Variants in ARHGEF3 observed in about 807,000 individuals in gnomAD.
ARHGEF3 encodes Rho guanine nucleotide exchange factor 3, also known as 59.8 kDA protein.
A neutral mutation model predicts 63.2 loss-of-function variants in ARHGEF3; 28 were observed. The observed-to-expected ratio is 0.44, with a 90% CI of 0.33 to 0.61. The LOEUF is 0.61. Among genes scored for constraint, ARHGEF3 ranks in the 20% least tolerant of loss-of-function variants. ARHGEF3 has a pLI of 0.03. For missense variants in ARHGEF3, 533 were observed against 659.3 expected, an observed-to-expected ratio of 0.81 and a Z score of 2.10; for synonymous variants, 266 against 254.2, an observed-to-expected ratio of 1.05 and a Z score of -0.44.
rs1560116629 is a variant in ARHGEF3 at position 56,995,666 on chromosome 3, A to AGAGAGAGAGAGAGAGG, written c.63-36778_63-36777insCCTCTCTCTCTCTCTC. On this transcript the variant is annotated intron_variant, in intron 2 of 12. Coordinates refer to the ARHGEF3 transcript ENST00000338458. The stretch of plus-strand genomic sequence containing the variant: ...GAGAGAGAGAGAGAGAGAGAGAGAG[A>AGAGAGAGAGAGAGAGG]GAGAGAATTTTTTTTAACCTGGTCT... 5.0e-4 allele frequency among the ~76,000 whole-genome samples: 64 copies of AGAGAGAGAGAGAGAGG among 127,240 alleles called. 1 individual carries two copies. Among genetic ancestry groups the AGAGAGAGAGAGAGAGG allele is most frequent in the Non-Finnish European group, 8.1e-4 (47 of 57,854 alleles). 83.5% of individuals were successfully genotyped at this position (127,240 alleles called of 152,430 possible). A position where few individuals can be genotyped will look rare whatever the true frequency, so the allele number is the denominator to read the frequency against.
rs555793197 is a variant in ARHGEF3, at chr3:57,067,262, T to C, written c.-28+11964A>G. On this transcript the variant is annotated intron_variant, in intron 1 of 12. Coordinates refer to the ARHGEF3 transcript ENST00000338458. ...GTCAGGAGATCGAGACTATCCTGGC[T>C]AACACGGTGAAACCCTGTCTCTTCT... 5.3e-5 allele frequency among the ~76,000 whole-genome samples: 8 copies of C among 151,676 alleles called. No homozygotes were observed. In the South Asian group the frequency reaches 6.2e-4, roughly 12 times the overall value.
At chr3:56,974,024 T>G (rs1202517227) in intron 2 of ARHGEF3, among the ~76,000 whole-genome samples, 1 of 152,124 alleles carries the variant, frequency 6.6e-6, no homozygotes, top group African/African-American at 2.4e-5. Flanking sequence ...AGGTGGAGGT[T>G]GCAGTGAGCT....
chr3:56,816,537 C>T (rs1393133606), intron 4 of ARHGEF3, among the ~76,000 whole-genome samples: 2 of 152,176 alleles, frequency 1.3e-5, no homozygotes, highest in Non-Finnish European at 2.9e-5. Context: ...GGCTACATCC[C>T]CATTGCCAAA....
At chr3:56,875,956 G>A (rs1162072639) in intron 4 of ARHGEF3, among the ~76,000 whole-genome samples, 1 of 152,134 alleles carries the variant, frequency 6.6e-6, no homozygotes, top group East Asian at 1.9e-4. Context: ...TGGTGGTGGT[G>A]GTAGGGAATG....
intron 3 of ARHGEF3, among the ~76,000 whole-genome samples, chr3:56,956,525 G>A (rs76224588): frequency 6.4e-4 from 98 of 152,284 alleles, no homozygotes; most frequent in African/African-American, 2.3e-3. Flanking sequence ...CCAGAGTCGT[G>A]CTTAAAAATT....
At chr3:57,064,561 C>T (rs949700168) in intron 1 of ARHGEF3, among the ~76,000 whole-genome samples, 6 of 152,112 alleles carry the variant, frequency 3.9e-5, no homozygotes, top group Middle Eastern at 3.2e-3. Flanking sequence ...GCTCAACATC[C>T]GCCTCCTCGG....
At chr3:56,994,064 C>CAAAAAAAACAAAAAAAAAAAAAA (rs1701875269) in intron 2 of ARHGEF3, among the ~76,000 whole-genome samples, 1 of 59,722 alleles carries the variant, frequency 1.7e-5, no homozygotes, top group Non-Finnish European at 3.3e-5. Context: ...AACTTCGTCT[C>CAAAAAAAACAAAAAAAAAAAAAA]AAAAAAAAAA....
chr3:56,979,200 A>G (rs1252507270), intron 2 of ARHGEF3, among the ~76,000 whole-genome samples: 2 of 152,246 alleles, frequency 1.3e-5, no homozygotes, highest in Non-Finnish European at 2.9e-5. Flanking sequence ...CCAATAAGGT[A>G]GCAGCAAAAA....
chr3:57,066,958 C>T (rs932797000), intron 1 of ARHGEF3, among the ~76,000 whole-genome samples: 1 of 152,232 alleles, frequency 6.6e-6, no homozygotes, highest in African/African-American at 2.4e-5. Context: ...AAATCAACCT[C>T]TCAATAGATA....
intron 2 of ARHGEF3, among the ~76,000 whole-genome samples, chr3:56,994,645 G>A (rs144473980): frequency 2.6e-5 from 4 of 151,916 alleles, no homozygotes; most frequent in African/African-American, 7.3e-5. Context: ...ACTAGCAACG[G>A]TATGGATGGG....
At chr3:56,955,784 G>A (rs531390836) in intron 3 of ARHGEF3, among the ~76,000 whole-genome samples, 7 of 152,138 alleles carry the variant, frequency 4.6e-5, no homozygotes, top group Non-Finnish European at 7.4e-5. Context: ...CATCCTTCTC[G>A]TTCTTCAATT....
intron 4 of ARHGEF3, among the ~76,000 whole-genome samples, chr3:56,812,070 C>T (rs1372086736): frequency 6.6e-6 from 1 of 152,142 alleles, no homozygotes; most frequent in African/African-American, 2.4e-5. Flanking sequence ...TACGCTGGCA[C>T]ATAGCAGACT....
intron 3 of ARHGEF3, among the ~76,000 whole-genome samples, chr3:56,915,784 C>T (rs1249214312): frequency 6.6e-6 from 1 of 152,140 alleles, no homozygotes; most frequent in Non-Finnish European, 1.5e-5. Context: ...TTGCTCCAAC[C>T]AGCATGAACT....
At chr3:56,786,733 T>C (rs2036838600) in intron 1 of ARHGEF3, among the ~76,000 whole-genome samples, 1 of 152,096 alleles carries the variant, frequency 6.6e-6, no homozygotes, top group Non-Finnish European at 1.5e-5. Flanking sequence ...AAAAAAATGA[T>C]GCAGCACACA....
At chr3:56,881,277 T>G (rs535733009) in intron 4 of ARHGEF3, among the ~76,000 whole-genome samples, 234 of 152,264 alleles carry the variant, frequency 1.5e-3, no homozygotes, top group African/African-American at 5.3e-3. Context: ...ATGGAAGGCT[T>G]CTCATCTCAT....
At chr3:56,790,051 C>T (rs2037005454) in intron 1 of ARHGEF3, among the ~76,000 whole-genome samples, 1 of 152,236 alleles carries the variant, frequency 6.6e-6, no homozygotes, top group Non-Finnish European at 1.5e-5. Context: ...ATCCAGTCCT[C>T]TCATTCCAGA....
chr3:56,904,868 C>T (rs1340783204), intron 3 of ARHGEF3, among the ~76,000 whole-genome samples: 2 of 152,224 alleles, frequency 1.3e-5, no homozygotes, highest in Admixed American at 6.5e-5. Context: ...CCATTTCCTT[C>T]GAACCATTTC....
At chr3:57,000,644 T>C (rs946436705) in intron 2 of ARHGEF3, among the ~76,000 whole-genome samples, 1 of 152,140 alleles carries the variant, frequency 6.6e-6, no homozygotes, top group Non-Finnish European at 1.5e-5. Context: ...GTGATTCTCC[T>C]GCCTCAGGCT....
At chr3:56,886,754 C>A (rs1466824516) in intron 3 of ARHGEF3, among the ~76,000 whole-genome samples, 1 of 152,050 alleles carries the variant, frequency 6.6e-6, no homozygotes, top group Non-Finnish European at 1.5e-5. Context: ...TCATAACTAC[C>A]CCATGAGGTA....
Sources: allele counts gnomAD v4.1 joint callset (sites outside exome capture counted in the v4.1 genomes callset), GRCh38; gene constraint gnomAD v4.1.1; transcripts MANE v1.5; gene names NCBI Gene and HGNC (gene_info 2026-07-23, HGNC 2026-07-21).